The following GSN variants were observed in gnomAD, a reference collection of about 807,000 sequenced individuals.
The protein encoded by GSN is gelsolin.
Under a neutral mutation model 85.7 loss-of-function variants are expected in GSN, and 56 were observed. That is an observed-to-expected ratio of 0.65 (90% CI 0.53 to 0.82). The LOEUF is 0.82. GSN is among the 40% of genes least tolerant of loss of function. The pLI, the probability that GSN is intolerant of heterozygous loss-of-function variation, is 0.00. For synonymous variants in GSN, 373 were observed against 399.1 expected (o/e 0.93, Z 0.78); for missense variants, 857 against 979.8 (o/e 0.87, Z 1.67).
chr9:121,281,544 C>T lies in GSN; in HGVS notation c.-28C>T, dbSNP rs1336328856. 2.2e-6 allele frequency: 1 copy of T among 449,182 alleles called. No homozygotes were observed. The highest frequency in any genetic ancestry group is 2.0e-5 in the African/African-American group (1 of 49,760). 27.8% of individuals were successfully genotyped at this position (449,182 alleles called of 1,614,324 possible). A position where few individuals can be genotyped will look rare whatever the true frequency, so the allele number is the denominator to read the frequency against. On this transcript the variant is annotated 5_prime_UTR_variant, in exon 2 of 18. Transcript: ENST00000432226. ...CCTTCCCACGGAGCAGCACTCTTCA[C>T]CCTGCACAGCCTTGTTAGGTAGGTA...
At chr9:121,292,032 AACT>A (rs1166151175) in intron 2 of GSN, among the ~76,000 whole-genome samples, 1 of 152,100 alleles carries the variant, frequency 6.6e-6, no homozygotes, top group African/African-American at 2.4e-5. Flanking sequence ...CAGTAGCTAG[AACT>A]ACTGGTGCAT....
chr9:121,324,665 C>T, intron 12 of GSN, 21 bp downstream of exon 12: 1 of 1,210,038 alleles, frequency 8.3e-7, no homozygotes, highest in Non-Finnish European at 1.2e-6. Flanking sequence ...CCCACCGCCT[C>T]TCTGGGCTGC....
chr9:121,240,304 T>C (rs930076466), intron 5 of GSN, among the ~76,000 whole-genome samples: 1 of 152,244 alleles, frequency 6.6e-6, no homozygotes, highest in Non-Finnish European at 1.5e-5. Context: ...CACTGTTTTG[T>C]GTAGGGGTTG....
In GSN at chr9:121,312,444, G is replaced by C. The variant is rs2061261523; in HGVS notation, c.619G>C (p.Val207Leu). Residue 207 changes from valine to leucine, a missense_variant, in exon 6 of 18, where the codon GTG (valine) becomes CTG (leucine). By Grantham distance (32) the Val-to-Leu change is conservative (BLOSUM62 1). Transcript: ENST00000432226. ...RDNERSGRAR[V>L]HVSEEGTEPE... ...CAACGAGCGGAGTGGCCGGGCCCGAGTGCACGTGTCTGAGGAGGGCACTGA... is the reference window on the plus strand; with the variant it reads ...CAACGAGCGGAGTGGCCGGGCCCGACTGCACGTGTCTGAGGAGGGCACTGA... The C allele has an allele frequency of 1.2e-6, 2 of 1,613,994 alleles. No homozygotes were observed. The highest frequency in any genetic ancestry group is 1.7e-6 in the Non-Finnish European group (2 of 1,180,030).
intron 1 of GSN, among the ~76,000 whole-genome samples, chr9:121,269,557 G>T (rs1293375778): frequency 2.6e-5 from 4 of 152,158 alleles, no homozygotes; most frequent in Non-Finnish European, 4.4e-5. Context: ...GCTGTTAAGG[G>T]GGAGAGGCTT....
intron 4 of GSN, among the ~76,000 whole-genome samples, chr9:121,217,797 T>TTTATTATTA (rs1564336092): frequency 1.7e-5 from 2 of 119,106 alleles, no homozygotes; most frequent in Non-Finnish European, 3.5e-5. Flanking sequence ...AATATAGAAA[T>TTTATTATTA]GTATTATTAT....
At chr9:121,263,716 C>A (rs1242608158), upstream of GSN, among the ~76,000 whole-genome samples, 1 of 151,946 alleles carries the variant, frequency 6.6e-6, no homozygotes, top group Non-Finnish European at 1.5e-5. Context: ...TATGGAGAAA[C>A]CCCGTCTCTA....
chr9:121,319,085 G>T (rs2062068286), intron 10 of GSN, among the ~76,000 whole-genome samples: 1 of 152,262 alleles, frequency 6.6e-6, no homozygotes, highest in African/African-American at 2.4e-5. Flanking sequence ...TTGCCCCGAG[G>T]AGTGCCTGGT....
rs750132751 is a variant in GSN, at chr9:121,310,759, G to A, written c.427G>A (p.Gly143Arg). 4.7e-5 allele frequency: 76 copies of A among 1,614,040 alleles called. No individual in the cohort carries two copies. Among genetic ancestry groups the A allele is most frequent in the Non-Finnish European group, 6.4e-5 (75 of 1,180,002 alleles). ...GGTGCAGAGACTCTTCCAGGTCAAA[G>A]GGCGGCGTGTGGTCCGTGCCACCGA... ...VVVQRLFQVK[G>R]RRVVRATEVP... Residue 143 changes from glycine (G) to arginine (R), a missense_variant, in exon 5 of 18, where the codon GGG becomes AGG. Transcript: ENST00000432226.
At chr9:121,286,574 A>G in intron 2 of GSN, 1 of 1,471,206 alleles carries the variant, frequency 6.8e-7, no homozygotes, top group Non-Finnish European at 9.0e-7. Context: ...CTGTTGGGCC[A>G]TGGGTGCTCC....
chr9:121,277,917 ATAACAAAC>A (rs1564397490), intron 1 of GSN, among the ~76,000 whole-genome samples: 1 of 142,620 alleles, frequency 7.0e-6, no homozygotes, highest in African/African-American at 2.8e-5. Context: ...AAAAACAACA[ATAACAAAC>A]AAACAAGGAA....
Position 121,233,555 on chromosome 9 carries a change from A to G in GSN, c.-389+2252A>G, listed in dbSNP as rs571030168. ...GCACAGGAGGTCAAATAAAGATGCCATCTTTGATGTCCAGTCCAGTTAAAC... is the reference window on the plus strand; with the variant it reads ...GCACAGGAGGTCAAATAAAGATGCCGTCTTTGATGTCCAGTCCAGTTAAAC... On this transcript the variant is annotated intron_variant, in intron 5 of 24. Coordinates refer to the GSN transcript ENST00000373823. 3.3e-5 allele frequency among the ~76,000 whole-genome samples: 5 copies of G among 152,304 alleles called. No homozygotes were observed. In the East Asian group the frequency reaches 9.6e-4, roughly 29 times the overall value.
intron 5 of GSN, among the ~76,000 whole-genome samples, chr9:121,247,737 AC>A (rs1250819807): frequency 6.6e-6 from 1 of 152,202 alleles, no homozygotes; most frequent in Admixed American, 6.5e-5. Flanking sequence ...TAATCAAATC[AC>A]CAAATCAAAT....
At chr9:121,215,565 G>C (rs985187381) in intron 4 of GSN, among the ~76,000 whole-genome samples, 5 of 151,952 alleles carry the variant, frequency 3.3e-5, no homozygotes, top group African/African-American at 4.8e-5. Context: ...GTGGCGGCGA[G>C]TGCCTATAAT....
chr9:121,229,466 C>T (rs1388439288), intron 4 of GSN, among the ~76,000 whole-genome samples: 3 of 152,242 alleles, frequency 2.0e-5, no homozygotes, highest in Admixed American at 6.5e-5. Context: ...GTGATCCACC[C>T]GCCTCAGCTT....
intron 16 of GSN, among the ~76,000 whole-genome samples, chr9:121,330,719 G>A (rs966958492): frequency 6.6e-6 from 1 of 152,168 alleles, no homozygotes; most frequent in Non-Finnish European, 1.5e-5. Flanking sequence ...AATAGAACTT[G>A]TAACAAGACT....
chr9:121,320,814 A>G (rs1306862073), intron 10 of GSN, among the ~76,000 whole-genome samples: 1 of 152,212 alleles, frequency 6.6e-6, no homozygotes, highest in African/African-American at 2.4e-5. Context: ...TTTCACGAGT[A>G]ATCTCGTTTG....
rs1030380858 is a variant in GSN, at chr9:121,332,331, T to G, written c.2027-103T>G. On this transcript the variant is annotated intron_variant, in intron 17 of 17. Transcript: ENST00000432226. The surrounding 1 kb of genome is among the most constrained non-coding windows in gnomAD (Gnocchi z 4.8). ...GTGGGCAGTAGGGACAGTAGGACCA[T>G]AGACCCTCTTCTTTGTCAACTCCTG... The G allele has an allele frequency of 2.3e-5, 24 of 1,054,298 alleles. 1 individual carries two copies. The South Asian group carries it at 3.0e-4, about 13-fold the overall frequency. 65.3% of individuals were successfully genotyped at this position (1,054,298 alleles called of 1,614,324 possible).
chr9:121,272,759 G>A (rs2056159726), intron 1 of GSN, among the ~76,000 whole-genome samples: 1 of 152,148 alleles, frequency 6.6e-6, no homozygotes, highest in African/African-American at 2.4e-5. Context: ...GATCTACGAG[G>A]GGAGAGATAG....
Sources: allele counts gnomAD v4.1 joint callset (sites outside exome capture counted in the v4.1 genomes callset), GRCh38; gene constraint gnomAD v4.1.1; non-coding constraint Gnocchi (gnomAD v3.1); transcripts MANE v1.5; gene names NCBI Gene and HGNC (gene_info 2026-07-23, HGNC 2026-07-21).